PCDHGA1: variants seen among roughly 807,000 people sequenced by gnomAD.
The protein encoded by PCDHGA1 is protocadherin gamma subfamily A, 1.
PCDHGA1 carries 32 observed loss-of-function variants against 58.0 expected under a neutral mutation model. The observed-to-expected ratio is 0.55, with a 90% confidence interval of 0.42 to 0.74. The LOEUF (loss-of-function observed/expected upper bound fraction) is 0.74. PCDHGA1 is among the 30% of genes least tolerant of loss of function. The pLI, the probability that PCDHGA1 is intolerant of heterozygous loss-of-function variation, is 0.00. For synonymous variants in PCDHGA1, 498 were observed against 501.1 expected (o/e 0.99, Z 0.08); for missense variants, 1,205 against 1,182.3 (o/e 1.02, Z -0.28).
At chr5:141,474,126 A>G (rs1450071391) in intron 1 of PCDHGA1, among the ~76,000 whole-genome samples, 2 of 152,232 alleles carry the variant, frequency 1.3e-5, no homozygotes, top group African/African-American at 4.8e-5. Context: ...AAAATCTCAG[A>G]AAACTACAGG....
At chr5:141,403,614 G>A (rs772617526) in intron 1 of PCDHGA1, 4 of 1,613,750 alleles carry the variant, frequency 2.5e-6, no homozygotes, top group Non-Finnish European at 3.4e-6. Flanking sequence ...GGCGAGCCGC[G>A]TCGCTCCAGC....
In PCDHGA1 at chr5:141,366,140, C is replaced by T. The variant is rs564608784; in HGVS notation, c.2421+33035C>T. 1.8e-5 allele frequency: 29 copies of T among 1,614,182 alleles called. No homozygotes were observed. The East Asian group carries it at 5.6e-4, about 31-fold the overall frequency. ...CAAAGATTCAGGCCAGAACGCCTGG[C>T]TGTCCTACCGCCTGCTTAAGGCCAG... On this transcript the variant is annotated intron_variant, in intron 1 of 3. Coordinates refer to ENST00000517417, the MANE Select transcript of PCDHGA1 (RefSeq NM_018912.3).
At position 141,372,429 on chromosome 5, in the gene PCDHGA1, C is replaced by T. The variant is rs754379317; in HGVS notation, c.2421+39324C>T. The T allele has an allele frequency of 2.5e-6, 4 of 1,614,042 alleles. No individual in the cohort carries two copies. In the Admixed American group the frequency reaches 6.7e-5, roughly 27 times the overall value. ...GATACAACCTGACCTTAGCGACCGC[C>T]CCACTCCCTCTGACCCTCAGGCGGA... On this transcript the variant is annotated intron_variant, in intron 1 of 3. Transcript: ENST00000517417.
intron 1 of PCDHGA1, among the ~76,000 whole-genome samples, chr5:141,465,279 C>T (rs975247599): frequency 3.3e-5 from 5 of 152,028 alleles, no homozygotes; most frequent in South Asian, 2.1e-4. Flanking sequence ...TTTAGTTCAC[C>T]CCTAAAGAAC....
At chr5:141,353,315 T>C (rs1759245241) in intron 1 of PCDHGA1, among the ~76,000 whole-genome samples, 1 of 152,222 alleles carries the variant, frequency 6.6e-6, no homozygotes, top group Non-Finnish European at 1.5e-5. Flanking sequence ...GTATTTAGAG[T>C]TCTTCCCACC....
intron 1 of PCDHGA1, chr5:141,428,113 T>G: frequency 3.7e-6 from 6 of 1,607,492 alleles, no homozygotes; most frequent in Non-Finnish European, 5.1e-6. Context: ...CTGCAGGCCA[T>G]CGAGCCCGGG....
intron 1 of PCDHGA1, chr5:141,346,330 G>C: frequency 6.2e-7 from 1 of 1,614,238 alleles, no homozygotes; most frequent in South Asian, 1.1e-5. Flanking sequence ...TCGCGGAAGA[G>C]CCACCTGATT....
At chr5:141,340,147 T>C in intron 1 of PCDHGA1, 3 of 1,614,184 alleles carry the variant, frequency 1.9e-6, no homozygotes, top group Non-Finnish European at 2.5e-6. Context: ...ATCTTCCTTT[T>C]AAGTTAGAAA....
rs757503771 is a variant in PCDHGA1 at position 141,433,052 on chromosome 5, A to C, written c.2422-61755A>C. 31 of 1,614,060 alleles carry C rather than the reference A, an allele frequency of 1.9e-5. No homozygotes were observed. Among genetic ancestry groups the C allele is most frequent in the Non-Finnish European group, 1.8e-5 (21 of 1,180,044 alleles). On this transcript the variant is annotated intron_variant, in intron 1 of 3. Coordinates refer to ENST00000517417, the MANE Select transcript of PCDHGA1 (RefSeq NM_018912.3). ...GGTTTCCCTCACCACGGACTCGCGG[A>C]AGAGTCACCTGATCTTCCCCCAGCC...
At chr5:141,383,599 G>T in intron 1 of PCDHGA1, 2 of 1,613,742 alleles carry the variant, frequency 1.2e-6, no homozygotes, top group Non-Finnish European at 8.5e-7. Flanking sequence ...GACAGTGGTG[G>T]ATGTGAATGA....
chr5:141,414,801 G>A, intron 1 of PCDHGA1: 2 of 1,614,218 alleles, frequency 1.2e-6, no homozygotes, highest in Non-Finnish European at 1.7e-6. Flanking sequence ...GCGACAGCGG[G>A]GATCCTCCAC....
At chr5:141,349,179 G>T (rs1588475896) in intron 1 of PCDHGA1, among the ~76,000 whole-genome samples, 1 of 152,044 alleles carries the variant, frequency 6.6e-6, no homozygotes. Flanking sequence ...AAGTGATTCT[G>T]CTGCCTCAAC....
chr5:141,344,748 C>T (rs1004554278), intron 1 of PCDHGA1: 2 of 1,613,884 alleles, frequency 1.2e-6, no homozygotes, highest in African/African-American at 2.7e-5. Context: ...AAATGACAAC[C>T]CACCAATGTT....
At chr5:141,404,859 A>G in intron 1 of PCDHGA1, 1 of 1,613,494 alleles carries the variant, frequency 6.2e-7, no homozygotes, top group South Asian at 1.1e-5. Flanking sequence ...CTAGATAGAG[A>G]TGCGCTCAAA....
chr5:141,427,921 G>A (rs2097089596), intron 1 of PCDHGA1: 3 of 1,580,128 alleles, frequency 1.9e-6, no homozygotes, highest in African/African-American at 1.3e-5. Flanking sequence ...AACATGAGCC[G>A]GCGCATGTTG....
rs1589320809 is a variant in PCDHGA1, at chr5:141,398,163, G to A, written c.2421+65058G>A. 6 of 1,482,244 alleles carry A rather than the reference G, an allele frequency of 4.0e-6. No homozygotes were observed. The Admixed American group carries it at 1.0e-4, about 26-fold the overall frequency. The allele number at this position is 1,482,244 out of a possible 1,614,324, so 91.8% of individuals were successfully genotyped here. A position where few individuals can be genotyped will look rare whatever the true frequency, so the allele number is the denominator to read the frequency against. Reference sequence around the variant, plus strand: ...GCGCCGGGGAGCTGGGCCGGGCTGAGAGGCTGCCAGTGCTCTTTCTCTTCC... The same window carrying A: ...GCGCCGGGGAGCTGGGCCGGGCTGAAAGGCTGCCAGTGCTCTTTCTCTTCC... On this transcript the variant is annotated intron_variant, in intron 1 of 3. Transcript: ENST00000517417.
intron 1 of PCDHGA1, among the ~76,000 whole-genome samples, chr5:141,407,377 C>A (rs1436703926): frequency 6.6e-6 from 1 of 152,170 alleles, no homozygotes; most frequent in Non-Finnish European, 1.5e-5. Context: ...TCCATGAAGG[C>A]TTGTATGTCA....
intron 1 of PCDHGA1, among the ~76,000 whole-genome samples, chr5:141,359,452 A>G (rs1417222684): frequency 6.6e-6 from 1 of 151,658 alleles, no homozygotes; most frequent in Non-Finnish European, 1.5e-5. Context: ...TTTAGCAAAT[A>G]ACAATTTTGA....
At chr5:141,371,687 G>T in intron 1 of PCDHGA1, 1 of 1,614,014 alleles carries the variant, frequency 6.2e-7, no homozygotes, top group Non-Finnish European at 8.5e-7. Flanking sequence ...GCAATCCACC[G>T]CTCTCCTCCA....
Sources: allele counts gnomAD v4.1 joint callset (sites outside exome capture counted in the v4.1 genomes callset), GRCh38; gene constraint gnomAD v4.1.1; transcripts MANE v1.5; gene names NCBI Gene and HGNC (gene_info 2026-07-23, HGNC 2026-07-21).